Variants in ABITRAM observed in about 807,000 individuals in gnomAD.
ABITRAM encodes the protein protein Abitram.
A neutral mutation model predicts 22.9 loss-of-function variants in ABITRAM; 19 were observed. The observed-to-expected ratio is 0.83, with a 90% CI of 0.58 to 1.22. The LOEUF is 1.22. Among genes scored for constraint, ABITRAM ranks in the 50% most tolerant of loss-of-function variants. The pLI, the probability that ABITRAM is intolerant of heterozygous loss-of-function variation, is 0.00. For missense variants in ABITRAM, 215 were observed against 220.2 expected (o/e 0.98, Z 0.15); for synonymous variants, 70 against 73.9 (o/e 0.95, Z 0.27).
At chr9:108,944,305 A>C (rs1394799516), downstream of ABITRAM, among the ~76,000 whole-genome samples, 3 of 152,226 alleles carry the variant, frequency 2.0e-5, no homozygotes, top group Non-Finnish European at 4.4e-5. Context: ...ATTCAGCCAC[A>C]CAAATTATGT....
At chr9:108,942,503 T>C, downstream of ABITRAM, 1 of 478,636 alleles carries the variant, frequency 2.1e-6, no homozygotes, top group South Asian at 3.4e-5. Flanking sequence ...TTGAGACAGT[T>C]GGGATATTTG....
Position 108,935,624 on chromosome 9 carries a change from A to T in ABITRAM, c.80-14A>T, listed in dbSNP as rs773527629. On this transcript the variant is annotated splice_polypyrimidine_tract_variant and intron_variant, in intron 1 of 5. Coordinates refer to ENST00000322940, the MANE Select transcript of ABITRAM (RefSeq NM_017832.4). Reference sequence around the variant, plus strand: ...ATTGATTTCAGCCACCAACAGACTCATGTATTCTTCTAGATGTCAAAGGAA... The same window carrying T: ...ATTGATTTCAGCCACCAACAGACTCTTGTATTCTTCTAGATGTCAAAGGAA... 1 of 1,605,884 alleles carries T rather than the reference A, an allele frequency of 6.2e-7. No homozygotes were observed. Among genetic ancestry groups the T allele is most frequent in the East Asian group, 2.2e-5 (1 of 44,830 alleles).
At chr9:108,947,986 C>A (rs1564120192) in intron 3 of ABITRAM, among the ~76,000 whole-genome samples, 1 of 152,194 alleles carries the variant, frequency 6.6e-6, no homozygotes, top group East Asian at 1.9e-4. Flanking sequence ...ATTTAAGTTT[C>A]TTTCCAATGA....
chr9:108,950,615 T>C, exon 4 of ABITRAM: 1 of 1,549,204 alleles, frequency 6.5e-7, no homozygotes. Flanking sequence ...TAGGAAGGAA[T>C]CTTCACGAGC....
At chr9:108,942,631 G>A (rs1222226704), downstream of ABITRAM, 2 of 635,552 alleles carry the variant, frequency 3.1e-6, no homozygotes, top group Non-Finnish European at 2.7e-6. Context: ...TCAGTTTCAT[G>A]ATCAGAAAAT....
downstream of ABITRAM, among the ~76,000 whole-genome samples, chr9:108,942,316 A>C (rs1423352073): frequency 6.6e-6 from 1 of 152,230 alleles, no homozygotes; most frequent in East Asian, 1.9e-4. Flanking sequence ...TTTTTGTCAC[A>C]CTTGGTAAAC....
At position 108,934,486 on chromosome 9, in the gene ABITRAM, C is replaced by T. The variant is rs568867778; in HGVS notation, c.-1C>T. 110 of 1,601,104 alleles carry T rather than the reference C, an allele frequency of 6.9e-5. 1 individual carries two copies. The South Asian group carries it at 1.1e-3, about 16-fold the overall frequency. ...CGGGGGTGGCGGCGCCGGAGGTCGC[C>T]ATGGCTACCGAGCCCGAAGCCGCGG... On this transcript the variant is annotated 5_prime_UTR_variant, in exon 1 of 6. Coordinates refer to ENST00000322940, the MANE Select transcript of ABITRAM (RefSeq NM_017832.4).
downstream of ABITRAM, among the ~76,000 whole-genome samples, chr9:108,944,773 A>G (rs2132076515): frequency 6.6e-6 from 1 of 152,306 alleles, no homozygotes. Flanking sequence ...AATGAAAATA[A>G]TAGGTCTTCA....
intron 2 of ABITRAM, 89 bp downstream of exon 2, chr9:108,935,778 A>G: frequency 1.3e-6 from 1 of 798,604 alleles, no homozygotes; most frequent in Non-Finnish European, 2.1e-6. Context: ...GATTGAACAA[A>G]TGTTCACTAA....
At chr9:108,939,349 A>T in intron 4 of ABITRAM, 36 bp from the exon 5 acceptor site, 1 of 1,591,148 alleles carries the variant, frequency 6.3e-7, no homozygotes, top group Non-Finnish European at 8.5e-7. Context: ...TTTTTTAACT[A>T]AGTAAACATG....
intron 3 of ABITRAM, 79 bp from the exon 4 acceptor site, chr9:108,939,117 G>T: frequency 8.5e-7 from 1 of 1,176,420 alleles, no homozygotes; most frequent in Non-Finnish European, 1.2e-6. Flanking sequence ...AATACATCCT[G>T]TTATACACCT....
intron 1 of ABITRAM, 135 bp from the exon 2 acceptor site, chr9:108,935,503 T>G: frequency 1.5e-6 from 1 of 686,240 alleles, no homozygotes; most frequent in Non-Finnish European, 2.6e-6. Flanking sequence ...TTTTGAGTAA[T>G]GAAGGGATAC....
At chr9:108,934,643 C>T in intron 1 of ABITRAM, 78 bp downstream of exon 1, 1 of 1,371,088 alleles carries the variant, frequency 7.3e-7, no homozygotes, top group Non-Finnish European at 9.9e-7. Context: ...AGATCATAAG[C>T]CACGCGCGCT....
At position 108,939,688 on chromosome 9, in the gene ABITRAM, G is replaced by A; in HGVS notation, c.*2G>A. Reference sequence around the variant, plus strand: ...AATGCCACAACAGCTACGTCATGAGGATTGACATGGAACAAAAAGCAAAGT... The same window carrying A: ...AATGCCACAACAGCTACGTCATGAGAATTGACATGGAACAAAAAGCAAAGT... On this transcript the variant is annotated 3_prime_UTR_variant, in exon 6 of 6. Transcript: ENST00000322940. 6.2e-7 allele frequency: 1 copy of A among 1,613,206 alleles called. No homozygotes were observed. Among genetic ancestry groups the A allele is most frequent in the Non-Finnish European group, 8.5e-7 (1 of 1,179,658 alleles).
At chr9:108,935,940 A>C in intron 2 of ABITRAM, 1 of 535,168 alleles carries the variant, frequency 1.9e-6, no homozygotes, top group South Asian at 2.2e-5. Flanking sequence ...ATCAGCTGCT[A>C]CTTGAAGTGG....
chr9:108,947,076 A>G (rs927375130), intron 3 of ABITRAM, among the ~76,000 whole-genome samples: 3 of 152,042 alleles, frequency 2.0e-5, no homozygotes. Flanking sequence ...AGAATGCCAA[A>G]TAAAACTATA....
At chr9:108,949,760 C>T (rs571209280) in intron 3 of ABITRAM, among the ~76,000 whole-genome samples, 1 of 152,288 alleles carries the variant, frequency 6.6e-6, no homozygotes, top group East Asian at 1.9e-4. Context: ...AGGAGAATCA[C>T]CTGAACCCGG....
intron 2 of ABITRAM, chr9:108,935,922 A>C (rs17729270): frequency 3.7e-6 from 2 of 547,496 alleles, no homozygotes; most frequent in East Asian, 6.3e-5. Context: ...CAAATGGAGG[A>C]CCACATCATC....
At chr9:108,945,589 GT>G (rs1830376894), downstream of ABITRAM, among the ~76,000 whole-genome samples, 2 of 150,386 alleles carry the variant, frequency 1.3e-5, no homozygotes, top group South Asian at 4.2e-4. Flanking sequence ...AGCTGCCTGA[GT>G]AGCTAGGATT....
Sources: allele counts gnomAD v4.1 joint callset (sites outside exome capture counted in the v4.1 genomes callset), GRCh38; gene constraint gnomAD v4.1.1; transcripts MANE v1.5; gene names NCBI Gene and HGNC (gene_info 2026-07-23, HGNC 2026-07-21).